GSE1: variants seen among roughly 807,000 people sequenced by gnomAD.
GSE1 encodes genetic suppressor element 1.
A neutral mutation model predicts 112.6 loss-of-function variants in GSE1; 32 were observed. The observed-to-expected ratio is 0.28, with a 90% CI of 0.21 to 0.38. The LOEUF is 0.38. Among genes scored for constraint, GSE1 ranks in the 10% least tolerant of loss-of-function variants. GSE1 has a pLI of 1.00. For synonymous variants in GSE1, 1,115 were observed against 735.6 expected, an observed-to-expected ratio of 1.52 and a Z score of -8.35; for missense variants, 2,348 against 1,699.2, an observed-to-expected ratio of 1.38 and a Z score of -6.71.
chr16:85,580,861 C>G (rs1015297480), intron 1 of GSE1, among the ~76,000 whole-genome samples: 1 of 152,238 alleles, frequency 6.6e-6, no homozygotes, highest in Non-Finnish European at 1.5e-5. Flanking sequence ...AGGGAGCCCT[C>G]CACGGAAATC....
intron 2 of GSE1, among the ~76,000 whole-genome samples, chr16:85,426,475 A>AGGGG (rs2048993063): frequency 5.0e-5 from 2 of 40,024 alleles, no homozygotes; most frequent in African/African-American, 1.0e-4. Context: ...GGAGGGAGGG[A>AGGGG]GGGAGGGTAG....
Position 85,674,049 on chromosome 16 carries a change from T to G in GSE1, c.*1510T>G, listed in dbSNP as rs2053544525. 1 of 152,220 alleles carries G rather than the reference T, an allele frequency of 6.6e-6. No homozygotes were observed. The highest frequency in any genetic ancestry group is 2.4e-5 in the African/African-American group (1 of 41,418). 9.4% of individuals were successfully genotyped at this position (152,220 alleles called of 1,614,324 possible). A position where few individuals can be genotyped will look rare whatever the true frequency, so the allele number is the denominator to read the frequency against. On this transcript the variant is annotated 3_prime_UTR_variant, in exon 16 of 16. Coordinates refer to ENST00000253458, the MANE Select transcript of GSE1 (RefSeq NM_014615.5). ...CTTCCTCCTTGTCCTAGTTACTGCC[T>G]ATGGAGGCAGTGTTTAGATCAAGAA...
At chr16:85,496,482 G>A (rs529433398) in intron 2 of GSE1, among the ~76,000 whole-genome samples, 73 of 152,364 alleles carry the variant, frequency 4.8e-4, no homozygotes, top group African/African-American at 1.1e-3. Context: ...GGGTGCTGGC[G>A]AGGCGGGCAG....
chr16:85,602,223 G>T (rs1006300574), intron 1 of GSE1, among the ~76,000 whole-genome samples: 20 of 151,888 alleles, frequency 1.3e-4, no homozygotes, highest in Non-Finnish European at 2.2e-4. Context: ...GCGCCCAGGG[G>T]GTTGCCTGGA....
chr16:85,201,184 C>G (rs1567606973), intron 1 of GSE1, among the ~76,000 whole-genome samples: 2 of 152,140 alleles, frequency 1.3e-5, no homozygotes, highest in African/African-American at 4.8e-5. Context: ...GTGATCCTCC[C>G]ACCTTAGCCT....
intron 1 of GSE1, among the ~76,000 whole-genome samples, chr16:85,598,752 G>C (rs369764645): frequency 6.6e-6 from 1 of 152,228 alleles, no homozygotes; most frequent in Non-Finnish European, 1.5e-5. Flanking sequence ...TTGGCTGCTC[G>C]GATCTTGGCT....
At position 85,673,723 on chromosome 16, in the gene GSE1, T is replaced by G. The variant is rs967571129; in HGVS notation, c.*1184T>G. 3 of 152,060 alleles carry G rather than the reference T, an allele frequency of 2.0e-5. No homozygotes were observed. The highest frequency in any genetic ancestry group is 4.4e-5 in the Non-Finnish European group (3 of 67,982). The allele number at this position is 152,060 out of a possible 1,614,324, so 9.4% of individuals were successfully genotyped here. A position where few individuals can be genotyped will look rare whatever the true frequency, so the allele number is the denominator to read the frequency against. ...CATCTGGACAAGCTAATAGCAAATATTACCCATTGCTATCAAGGGAGGAGG... is the reference window on the plus strand; with the variant it reads ...CATCTGGACAAGCTAATAGCAAATAGTACCCATTGCTATCAAGGGAGGAGG... On this transcript the variant is annotated 3_prime_UTR_variant, in exon 16 of 16. Coordinates refer to ENST00000253458, the MANE Select transcript of GSE1 (RefSeq NM_014615.5).
At chr16:85,332,636 C>A (rs2046399783) in intron 1 of GSE1, among the ~76,000 whole-genome samples, 1 of 152,184 alleles carries the variant, frequency 6.6e-6, no homozygotes, top group Non-Finnish European at 1.5e-5. Context: ...GCAGGACTCT[C>A]CTTCTCCCCT....
Position 85,635,110 on chromosome 16 carries a change from A to AG in GSE1, c.226+982dup, listed in dbSNP as rs537183161. Among the ~76,000 whole-genome samples the AG allele has an allele frequency of 2.2e-4, 33 of 152,240 alleles. No homozygotes were observed. The South Asian group carries it at 6.8e-3, about 32-fold the overall frequency. On this transcript the variant is annotated intron_variant, in intron 2 of 15. Coordinates refer to ENST00000253458, the MANE Select transcript of GSE1 (RefSeq NM_014615.5). ...CATTACCCGGGTTCCAGCTTGGCAG[A>AG]GGGGACACCTGCCCTGACCAGGGCG... is the stretch of plus-strand genomic sequence containing the variant.
chr16:85,441,035 G>C (rs995210339), intron 2 of GSE1, among the ~76,000 whole-genome samples: 1 of 152,256 alleles, frequency 6.6e-6, no homozygotes, highest in East Asian at 1.9e-4. Flanking sequence ...GGAACGAGGG[G>C]CTGGCGGGGA....
chr16:85,237,148 A>AC (rs1468157486), intron 1 of GSE1, among the ~76,000 whole-genome samples: 1 of 151,162 alleles, frequency 6.6e-6, no homozygotes, highest in African/African-American at 2.4e-5. Context: ...ACATGGTGAA[A>AC]CCCCGCCTCT....
At chr16:85,537,398 C>T (rs2044367187) in intron 2 of GSE1, among the ~76,000 whole-genome samples, 1 of 152,196 alleles carries the variant, frequency 6.6e-6, no homozygotes, top group African/African-American at 2.4e-5. Context: ...ACTCCTGGAC[C>T]TGAGACGAGC....
chr16:85,471,840 A>G (rs748581721), intron 2 of GSE1, among the ~76,000 whole-genome samples: 2 of 152,226 alleles, frequency 1.3e-5, no homozygotes, highest in African/African-American at 2.4e-5. Context: ...CCTCCCGAGC[A>G]GCTGGGACTG....
chr16:85,216,249 A>G (rs2075305117), intron 1 of GSE1, among the ~76,000 whole-genome samples: 1 of 152,202 alleles, frequency 6.6e-6, no homozygotes, highest in Non-Finnish European at 1.5e-5. Flanking sequence ...ACAAAATATC[A>G]AAAAATTAGC....
intron 2 of GSE1, among the ~76,000 whole-genome samples, chr16:85,393,185 C>T (rs2047885101): frequency 6.6e-6 from 1 of 152,224 alleles, no homozygotes; most frequent in South Asian, 2.1e-4. Context: ...GGGAAGATCA[C>T]TTGAGGCCAG....
chr16:85,653,405 G>A (rs111487920), intron 3 of GSE1, among the ~76,000 whole-genome samples: 17 of 146,760 alleles, frequency 1.2e-4, no homozygotes, highest in South Asian at 6.9e-4. Context: ...GCGTGTGTGC[G>A]GGGCAGCCTC....
Position 85,617,130 on chromosome 16 carries a change from C to T in GSE1, c.7+3732C>T, listed in dbSNP as rs139902033. Among the ~76,000 whole-genome samples, 20 of 152,360 alleles carry T rather than the reference C, an allele frequency of 1.3e-4. 1 individual carries two copies. The highest frequency in any genetic ancestry group is 4.3e-4 in the African/African-American group (18 of 41,588). On this transcript the variant is annotated intron_variant, in intron 1 of 15. Coordinates refer to ENST00000253458, the MANE Select transcript of GSE1 (RefSeq NM_014615.5). Reference sequence around the variant, plus strand: ...CTGCCTGGGATTCTCCCGTCTGCTCCAAAGCCCACCTGTCACTGAGGCCAG... The same window carrying T: ...CTGCCTGGGATTCTCCCGTCTGCTCTAAAGCCCACCTGTCACTGAGGCCAG...
intron 1 of GSE1, among the ~76,000 whole-genome samples, chr16:85,185,858 C>T (rs1271400261): frequency 4.6e-5 from 7 of 152,304 alleles, no homozygotes; most frequent in African/African-American, 1.4e-4. Flanking sequence ...GAGGGCCCTG[C>T]GGGGGCTGGG....
At chr16:85,391,773 G>C (rs894921534) in intron 2 of GSE1, among the ~76,000 whole-genome samples, 2 of 152,168 alleles carry the variant, frequency 1.3e-5, no homozygotes. Context: ...AAGGTCACTG[G>C]AGTAGATGCT....
Sources: gnomAD v4.1 joint callset for allele counts (sites outside exome capture counted in the v4.1 genomes callset) on GRCh38, gnomAD v4.1.1 for gene constraint, MANE v1.5 for transcripts, NCBI Gene and HGNC (gene_info 2026-07-23, HGNC 2026-07-21) for gene names.